RBBP7: variants seen among roughly 807,000 people sequenced by gnomAD.
RBBP7 encodes histone-binding protein RBBP7.
In RBBP7, 5 loss-of-function variants were observed where a neutral mutation model predicts 35.2. The ratio of observed to expected loss-of-function variants is 0.14; its 90% CI spans 0.07 to 0.30. RBBP7 has a LOEUF of 0.30. Ranked by LOEUF, RBBP7 falls within the 10% of genes least tolerant of loss-of-function variation. The pLI, the probability that RBBP7 is intolerant of heterozygous loss-of-function variation, is 1.00. For synonymous variants in RBBP7, 140 were observed against 118.7 expected (o/e 1.18, Z -1.17); for missense variants, 155 against 327.5 (o/e 0.47, Z 4.07).
At chrX:16,851,517 C>T (rs1328892004) in intron 9 of RBBP7, among the ~76,000 whole-genome samples, 1 of 111,849 alleles carries the variant, frequency 8.9e-6, no homozygotes, top group African/African-American at 3.3e-5. Flanking sequence ...TTGGCAGAAA[C>T]TCTTTATACA....
chrX:16,865,107 G>A (rs1178200446), intron 2 of RBBP7, among the ~76,000 whole-genome samples: 8 of 102,746 alleles, frequency 7.8e-5, no homozygotes, highest in Non-Finnish European at 1.2e-4. Flanking sequence ...ATATTTGGCC[G>A]GATGTGGTGG....
chrX:16,853,337 C>G (rs1930257577), intron 6 of RBBP7: 1 of 172,099 alleles, frequency 5.8e-6, no homozygotes, highest in Admixed American at 7.2e-5. Context: ...TATTTACCAC[C>G]ACACCAAGTA....
intron 10 of RBBP7, chrX:16,846,754 C>T (rs1211967851): frequency 8.9e-6 from 1 of 112,450 alleles, no homozygotes; most frequent in Non-Finnish European, 1.9e-5. Flanking sequence ...TCTGATTTGA[C>T]TCTAGTTTGA....
intron 3 of RBBP7, among the ~76,000 whole-genome samples, chrX:16,860,844 A>G (rs1842739748): frequency 9.0e-6 from 1 of 111,155 alleles, no homozygotes; most frequent in Admixed American, 9.6e-5. Context: ...GTAAATACAT[A>G]CTTCAGGGCT....
At chrX:16,852,948 T>C in intron 6 of RBBP7, 73 bp from the exon 7 acceptor site, 2 of 1,196,452 alleles carry the variant, frequency 1.7e-6, no homozygotes, top group Non-Finnish European at 2.3e-6. Flanking sequence ...TCACTGTCAC[T>C]GCACTCCACA....
At chrX:16,864,526 C>CAAAAAAAAAA (rs61357554) in intron 2 of RBBP7, among the ~76,000 whole-genome samples, 21 of 26,031 alleles carry the variant, frequency 8.1e-4, no homozygotes, top group Non-Finnish European at 1.0e-3. Flanking sequence ...ACTCCGTCTC[C>CAAAAAAAAAA]AAAAAAAAAA....
chrX:16,864,887 A>T (rs1030062706), intron 2 of RBBP7, among the ~76,000 whole-genome samples: 2 of 109,143 alleles, frequency 1.8e-5, no homozygotes, highest in Non-Finnish European at 3.8e-5. Context: ...TAAGCAACAT[A>T]CTTTATGAGG....
intron 2 of RBBP7, among the ~76,000 whole-genome samples, chrX:16,867,558 A>G (rs957825960): frequency 6.0e-4 from 67 of 111,883 alleles, no homozygotes; most frequent in Non-Finnish European, 8.3e-4. Context: ...GTACATTTAT[A>G]TTTAGATTTT....
chrX:16,853,596 A>G (rs1930266940), intron 6 of RBBP7, 86 bp downstream of exon 6: 23 of 931,281 alleles, frequency 2.5e-5, no homozygotes, highest in African/African-American at 4.1e-5. Context: ...ACTTAAAAAA[A>G]AAAAATCAAA....
At chrX:16,855,995 CAAAAAA>C (rs754398259) in intron 5 of RBBP7, among the ~76,000 whole-genome samples, 13 of 15,986 alleles carry the variant, frequency 8.1e-4, no homozygotes, top group Admixed American at 2.3e-3. Context: ...GACCTTGTCT[CAAAAAA>C]AAAAAAAAAA....
At position 16,844,747 on chromosome X, in the gene RBBP7, T is replaced by C. The variant is rs900777575; in HGVS notation, c.*288A>G. 4 of 214,758 alleles carry C rather than the reference T, an allele frequency of 1.9e-5. No homozygotes were observed. Among genetic ancestry groups the C allele is most frequent in the Non-Finnish European group, 3.4e-5 (4 of 119,339 alleles). The allele number at this position is 214,758 out of a possible 1,213,427, so 17.7% of individuals were successfully genotyped here. On this transcript the variant is annotated 3_prime_UTR_variant, in exon 12 of 12. Coordinates refer to ENST00000380087, the MANE Select transcript of RBBP7 (RefSeq NM_002893.4). ...TGCATATTTGGGAACAGCAAGCACT[T>C]AGTTTGAGAAAATGAGGACTTAAAA...
intron 2 of RBBP7, 83 bp downstream of exon 2, chrX:16,868,993 G>A: frequency 9.6e-7 from 1 of 1,041,816 alleles, no homozygotes; most frequent in Non-Finnish European, 1.3e-6. Context: ...ACATACTTAT[G>A]TTCTATGCAT....
At chrX:16,855,957 C>T (rs1164606947) in intron 5 of RBBP7, among the ~76,000 whole-genome samples, 1 of 87,549 alleles carries the variant, frequency 1.1e-5, no homozygotes, top group Non-Finnish European at 2.1e-5. Context: ...GACTGAGCCA[C>T]TGCACTTCAG....
chrX:16,866,523 C>CAAAAAAAAAAAAAAAAAAAA (rs55729039), intron 2 of RBBP7, among the ~76,000 whole-genome samples: 5 of 32,583 alleles, frequency 1.5e-4, no homozygotes, highest in Non-Finnish European at 2.5e-4. Context: ...GAGACTGTCT[C>CAAAAAAAAAAAAAAAAAAAA]AAAAAAAAAA....
chrX:16,860,473 G>C (rs1009253502), intron 3 of RBBP7, among the ~76,000 whole-genome samples: 1 of 110,169 alleles, frequency 9.1e-6, no homozygotes. Flanking sequence ...CGGATCATGA[G>C]GTCAGGAAAG....
At chrX:16,857,004 G>A (rs1346623686) in intron 5 of RBBP7, among the ~76,000 whole-genome samples, 1 of 111,183 alleles carries the variant, frequency 9.0e-6, no homozygotes, top group East Asian at 2.8e-4. Flanking sequence ...AATGTTACTT[G>A]AAAACATTAT....
intron 2 of RBBP7, among the ~76,000 whole-genome samples, chrX:16,866,563 A>C (rs1216574789): frequency 6.0e-5 from 6 of 99,991 alleles, no homozygotes; most frequent in South Asian, 4.7e-4. Context: ...AAAAAGAAAG[A>C]AAGAAAGCAA....
intron 6 of RBBP7, 38 bp from the exon 7 acceptor site, chrX:16,852,913 T>C (rs1930245277): frequency 8.3e-7 from 1 of 1,206,655 alleles, no homozygotes; most frequent in Non-Finnish European, 1.1e-6. Context: ...CACCCAGGGA[T>C]GACACACTCA....
In RBBP7 at chrX:16,844,747, T is replaced by TA. The variant is rs1930026571; in HGVS notation, c.*287dup. On this transcript the variant is annotated 3_prime_UTR_variant, in exon 12 of 12. Transcript: ENST00000380087. ...TGCATATTTGGGAACAGCAAGCACT[T>TA]AGTTTGAGAAAATGAGGACTTAAAA... 1 of 214,758 alleles carries TA rather than the reference T, an allele frequency of 4.7e-6. No individual in the cohort carries two copies. The highest frequency in any genetic ancestry group is 7.1e-5 in the Admixed American group (1 of 14,007). 17.7% of individuals were successfully genotyped at this position (214,758 alleles called of 1,213,427 possible). A position where few individuals can be genotyped will look rare whatever the true frequency, so the allele number is the denominator to read the frequency against.
Sources: gnomAD v4.1 joint callset for allele counts (sites outside exome capture counted in the v4.1 genomes callset) on GRCh38, gnomAD v4.1.1 for gene constraint, MANE v1.5 for transcripts, NCBI Gene and HGNC (gene_info 2026-07-23, HGNC 2026-07-21) for gene names.